Variants in HOXA10 observed in about 807,000 individuals in gnomAD.
HOXA10 encodes the protein homeobox A10.
Under a neutral mutation model 29.7 loss-of-function variants are expected in HOXA10, and 12 were observed. That is an observed-to-expected ratio of 0.40 (90% CI 0.26 to 0.65). HOXA10 has a LOEUF of 0.65. HOXA10 is among the 30% of genes least tolerant of loss of function. The pLI, the probability that HOXA10 is intolerant of heterozygous loss-of-function variation, is 0.37. For missense variants in HOXA10, 656 were observed against 585.9 expected (o/e 1.12, Z -1.24); for synonymous variants, 327 against 280.7 (o/e 1.16, Z -1.65).
At chr7:27,174,452 A>G, upstream of HOXA10, 9 of 1,346,002 alleles carry the variant, frequency 6.7e-6, no homozygotes, top group Non-Finnish European at 7.0e-6. Flanking sequence ...GCGCCCTCAG[A>G]GCCCGCGATT....
chr7:27,174,331 C>T (rs199591141), upstream of HOXA10: 27 of 1,597,244 alleles, frequency 1.7e-5, no homozygotes, highest in East Asian at 4.9e-4. Flanking sequence ...ATGCTGAATA[C>T]GATTAGCAAT....
At chr7:27,179,073 T>C (rs538275951), upstream of HOXA10, among the ~76,000 whole-genome samples, 1 of 152,366 alleles carries the variant, frequency 6.6e-6, no homozygotes, top group African/African-American at 2.4e-5. Context: ...GTACTCCAAG[T>C]ATGCAACACA....
chr7:27,179,631 C>T, intron 1 of HOXA10: 1 of 778,254 alleles, frequency 1.3e-6, no homozygotes, highest in East Asian at 2.4e-5. Flanking sequence ...AATTGCTAAA[C>T]TTGTGGCCTC....
At chr7:27,179,520 G>C in intron 1 of HOXA10, 2 of 704,866 alleles carry the variant, frequency 2.8e-6, no homozygotes, top group Non-Finnish European at 5.3e-6. Context: ...GGGAGCAATG[G>C]GGTGGGGGCT....
chr7:27,177,552 C>A (rs897438417), upstream of HOXA10, among the ~76,000 whole-genome samples: 3 of 152,132 alleles, frequency 2.0e-5, no homozygotes, highest in Admixed American at 2.0e-4. Flanking sequence ...GGTCTCCTAG[C>A]CCCCAGCATC....
At chr7:27,177,166 G>A (rs74722434), upstream of HOXA10, among the ~76,000 whole-genome samples, 395 of 152,386 alleles carry the variant, frequency 2.6e-3, 2 homozygotes, top group Non-Finnish European at 4.2e-3. Flanking sequence ...TGCCCCAGCC[G>A]AAGAGTAGAG....
At chr7:27,177,381 G>C (rs1329626833), upstream of HOXA10, among the ~76,000 whole-genome samples, 1 of 152,152 alleles carries the variant, frequency 6.6e-6, no homozygotes, top group East Asian at 1.9e-4. Flanking sequence ...TCTGGCCCAG[G>C]ACTGCCTTCC....
chr7:27,173,310 TCTGCCCGCCTGA>T (rs1215598542), intron 1 of HOXA10, 27 bp downstream of exon 1: 3 of 1,609,454 alleles, frequency 1.9e-6, no homozygotes, highest in Non-Finnish European at 2.5e-6. Flanking sequence ...TGTCTGCCTG[TCTGCCCGCCTGA>T]CTGCAGCCCT....
Position 27,173,982 on chromosome 7 carries a change from C to T in HOXA10, c.325G>A (p.Gly109Ser). Residue 109 changes from glycine (G) to serine (S), a missense_variant, in exon 1 of 2, where the codon GGC becomes AGC. Gly to Ser is a moderately conservative substitution (Grantham distance 56). Around this residue, in one of 2 missense-constraint regions of HOXA10, gnomAD observed 594 missense variants for 491.9 expected, o/e 1.21. Transcript: ENST00000283921. ...AGGTCTATGGGCGAGGGCCCGTAGC[C>T]GTGCGCCCCGGGACCTAGACCCCCG... ...GGGGLGPGAH[G>S]YGPSPIDLWL... is the part of the protein sequence containing the mutation. 1 of 1,527,188 alleles carries T rather than the reference C, an allele frequency of 6.5e-7. No homozygotes were observed. 94.6% of individuals were successfully genotyped at this position (1,527,188 alleles called of 1,614,324 possible).
Position 27,171,004 on chromosome 7 carries a change from T to C in HOXA10, c.*895A>G. On this transcript the variant is annotated 3_prime_UTR_variant, in exon 2 of 2. Transcript: ENST00000283921. Reference sequence around the variant, plus strand: ...GTTCAAGGCGATTTAAAAAAACAACTTCACAAGATAGGGAGAATTGTGGTG... The same window carrying C: ...GTTCAAGGCGATTTAAAAAAACAACCTCACAAGATAGGGAGAATTGTGGTG... 2.2e-6 allele frequency: 1 copy of C among 453,586 alleles called. No individual in the cohort carries two copies. Among genetic ancestry groups the C allele is most frequent in the Non-Finnish European group, 4.4e-6 (1 of 226,634 alleles). 28.1% of individuals were successfully genotyped at this position (453,586 alleles called of 1,614,324 possible). A position where few individuals can be genotyped will look rare whatever the true frequency, so the allele number is the denominator to read the frequency against.
At chr7:27,173,168 G>T (rs1783546865) in intron 1 of HOXA10, among the ~76,000 whole-genome samples, 181 bp downstream of exon 1, 1 of 152,230 alleles carries the variant, frequency 6.6e-6, no homozygotes, top group Non-Finnish European at 1.5e-5. Context: ...CGCTAAGCCG[G>T]ACATGAATTT....
At position 27,171,805 on chromosome 7, in the gene HOXA10, T is replaced by G. The variant is rs756030359; in HGVS notation, c.*94A>C. On this transcript the variant is annotated 3_prime_UTR_variant, in exon 2 of 2. Transcript: ENST00000283921. ...CGAGTGTGGGAGGGAGGAACAGGGCTCCAGCACAGGTGCGAGTTCCTGGGC... is the reference window on the plus strand; with the variant it reads ...CGAGTGTGGGAGGGAGGAACAGGGCGCCAGCACAGGTGCGAGTTCCTGGGC... 7.8e-7 allele frequency: 1 copy of G among 1,276,494 alleles called. No individual in the cohort carries two copies. Among genetic ancestry groups the G allele is most frequent in the Non-Finnish European group, 1.1e-6 (1 of 873,382 alleles). The allele number at this position is 1,276,494 out of a possible 1,614,324, so 79.1% of individuals were successfully genotyped here.
Position 27,172,183 on chromosome 7 carries a change from A to G in HOXA10, c.959-10T>C, listed in dbSNP as rs1583432342. On this transcript the variant is annotated splice_polypyrimidine_tract_variant and intron_variant, in intron 1 of 1. Coordinates refer to ENST00000283921, the MANE Select transcript of HOXA10 (RefSeq NM_018951.4). Reference sequence around the variant, plus strand: ...TCACCTTTGGAATTGCCTGGCATGTAAGAGAATAAAGAGGGGATGATTAAG... The same window carrying G: ...TCACCTTTGGAATTGCCTGGCATGTGAGAGAATAAAGAGGGGATGATTAAG... 1 of 1,613,328 alleles carries G rather than the reference A, an allele frequency of 6.2e-7. No homozygotes were observed. The highest frequency in any genetic ancestry group is 8.5e-7 in the Non-Finnish European group (1 of 1,179,986).
upstream of HOXA10, chr7:27,174,411 G>A: frequency 1.3e-6 from 2 of 1,541,388 alleles, no homozygotes; most frequent in Middle Eastern, 2.3e-4. Context: ...CTCCCAGTTT[G>A]GTTTCGTAGG....
At chr7:27,177,549 T>C (rs754436425), upstream of HOXA10, among the ~76,000 whole-genome samples, 1 of 152,174 alleles carries the variant, frequency 6.6e-6, no homozygotes, top group African/African-American at 2.4e-5. Flanking sequence ...GTTGGTCTCC[T>C]AGCCCCCAGC....
chr7:27,178,809 AAATT>A, upstream of HOXA10, among the ~76,000 whole-genome samples: 1 of 152,360 alleles, frequency 6.6e-6, no homozygotes, highest in Non-Finnish European at 1.5e-5. Flanking sequence ...ATAGTAGAAA[AAATT>A]AAATATAGGA....
upstream of HOXA10, among the ~76,000 whole-genome samples, chr7:27,178,376 G>A (rs535951805): frequency 6.6e-6 from 1 of 152,334 alleles, no homozygotes; most frequent in East Asian, 1.9e-4. Context: ...TGATGTGTCT[G>A]TTTTGAATCT....
Position 27,171,648 on chromosome 7 carries a change from T to C in HOXA10, c.*251A>G. The stretch of plus-strand genomic sequence containing the variant: ...GACTTGACACTTAGGACAATATCTA[T>C]CTCTATAGAATTTTAGCATGATATG... On this transcript the variant is annotated 3_prime_UTR_variant, in exon 2 of 2. Coordinates refer to ENST00000283921, the MANE Select transcript of HOXA10 (RefSeq NM_018951.4). The C allele has an allele frequency of 1.5e-6, 1 of 648,680 alleles. No individual in the cohort carries two copies. Among genetic ancestry groups the C allele is most frequent in the Non-Finnish European group, 2.8e-6 (1 of 352,704 alleles). The allele number at this position is 648,680 out of a possible 1,614,324, so 40.2% of individuals were successfully genotyped here. A position where few individuals can be genotyped will look rare whatever the true frequency, so the allele number is the denominator to read the frequency against.
chr7:27,177,599 T>G (rs1256805754), upstream of HOXA10, among the ~76,000 whole-genome samples: 1 of 152,184 alleles, frequency 6.6e-6, no homozygotes, highest in Non-Finnish European at 1.5e-5. Flanking sequence ...CTCTCTAGAC[T>G]TTAACACTGG....
Sources: gnomAD v4.1 joint callset for allele counts (sites outside exome capture counted in the v4.1 genomes callset) on GRCh38, gnomAD v4.1.1 for gene constraint, gnomAD v4.1.1 regional missense constraint, MANE v1.5 for transcripts, NCBI Gene and HGNC (gene_info 2026-07-23, HGNC 2026-07-21) for gene names.